The following PARD3 variants were observed in gnomAD, a reference collection of about 807,000 sequenced individuals.
PARD3 encodes the protein par-3 family cell polarity regulator.
A neutral mutation model predicts 155.4 loss-of-function variants in PARD3; 75 were observed. That is an observed-to-expected ratio of 0.48 (90% CI 0.40 to 0.58). PARD3 has a LOEUF of 0.58. PARD3 is among the 20% of genes least tolerant of loss of function. The pLI is 0.00. For missense variants in PARD3, 1,642 were observed against 1,721.7 expected (o/e 0.95, Z 0.82); for synonymous variants, 576 against 610.5 (o/e 0.94, Z 0.83).
intron 20 of PARD3, among the ~76,000 whole-genome samples, chr10:34,289,496 T>C (rs1368361524): frequency 2.8e-5 from 3 of 107,684 alleles, no homozygotes; most frequent in African/African-American, 1.5e-4. Context: ...GGCCAGATCT[T>C]AATAATAATA....
chr10:34,316,803 T>C (rs1259790468), intron 20 of PARD3, among the ~76,000 whole-genome samples: 3 of 152,228 alleles, frequency 2.0e-5, no homozygotes, highest in Non-Finnish European at 2.9e-5. Flanking sequence ...ATGAAATCCA[T>C]AACAAAGTAA....
At chr10:34,569,121 C>CT (rs1228281822) in intron 2 of PARD3, among the ~76,000 whole-genome samples, 4 of 152,274 alleles carry the variant, frequency 2.6e-5, no homozygotes, top group African/African-American at 9.6e-5. Flanking sequence ...CTGTGGCACT[C>CT]TCCTGAGTAA....
intron 14 of PARD3, among the ~76,000 whole-genome samples, chr10:34,348,930 A>G (rs2134377265): frequency 6.6e-6 from 1 of 152,370 alleles, no homozygotes; most frequent in East Asian, 1.9e-4. Flanking sequence ...CTAATAAGTC[A>G]TATTTTACAT....
rs76234119 is a variant in PARD3, at chr10:34,172,481, C to T, written c.3420-40898G>A. Among the ~76,000 whole-genome samples the T allele has an allele frequency of 6.9e-3, 1,051 of 152,130 alleles. 18 individuals are homozygous for T. Among genetic ancestry groups the T allele is most frequent in the East Asian group, 0.047 (244 of 5,170 alleles). ...AAAGGCTTAATGCAAATATCTGAGA[C>T]GAGTGATTTCTTCCATGTAATGTGC... On this transcript the variant is annotated intron_variant, in intron 22 of 24. Transcript: ENST00000374788.
intron 2 of PARD3, among the ~76,000 whole-genome samples, chr10:34,635,469 C>T (rs114242701): frequency 8.3e-4 from 127 of 152,264 alleles, no homozygotes; most frequent in African/African-American, 2.8e-3. Context: ...CACAGGGGTA[C>T]GACAATGACG....
intron 3 of PARD3, among the ~76,000 whole-genome samples, chr10:34,486,409 T>C (rs905374540): frequency 3.3e-5 from 5 of 152,226 alleles, no homozygotes; most frequent in African/African-American, 1.2e-4. Flanking sequence ...GTTTTGGTTT[T>C]GTTTCAGGGC....
At chr10:34,160,731 T>G (rs1010967242) in intron 22 of PARD3, among the ~76,000 whole-genome samples, 2 of 152,196 alleles carry the variant, frequency 1.3e-5, no homozygotes, top group African/African-American at 4.8e-5. Flanking sequence ...ATCCCCAGAC[T>G]TCTTACCAAC....
chr10:34,772,562 C>T (rs369702578), intron 1 of PARD3, among the ~76,000 whole-genome samples: 3 of 151,498 alleles, frequency 2.0e-5, no homozygotes, highest in South Asian at 4.2e-4. Context: ...GAGGCTGAGG[C>T]GGGTGGATTA....
chr10:34,520,548 C>A (rs1253192112), intron 2 of PARD3, among the ~76,000 whole-genome samples: 1 of 152,128 alleles, frequency 6.6e-6, no homozygotes, highest in Non-Finnish European at 1.5e-5. Context: ...CACAGACATT[C>A]CACTAGATTA....
At chr10:34,630,137 C>T (rs1303942347) in intron 2 of PARD3, among the ~76,000 whole-genome samples, 1 of 152,182 alleles carries the variant, frequency 6.6e-6, no homozygotes, top group African/African-American at 2.4e-5. Flanking sequence ...AGCAATGGTA[C>T]TCCTGGAGTT....
At chr10:34,408,349 A>C (rs1480139521) in intron 5 of PARD3, among the ~76,000 whole-genome samples, 1 of 152,160 alleles carries the variant, frequency 6.6e-6, no homozygotes, top group Non-Finnish European at 1.5e-5. Context: ...CACTCAACTA[A>C]ATGTTCTTTT....
chr10:34,603,823 G>A (rs2089995432), intron 2 of PARD3, among the ~76,000 whole-genome samples: 1 of 152,172 alleles, frequency 6.6e-6, no homozygotes, highest in Non-Finnish European at 1.5e-5. Context: ...CAGGCAGTAA[G>A]TTGGTTTAGG....
chr10:34,505,591 G>A (rs1255579951), intron 3 of PARD3, among the ~76,000 whole-genome samples: 2 of 150,172 alleles, frequency 1.3e-5, no homozygotes, highest in African/African-American at 5.1e-5. Context: ...ACACCCTACA[G>A]GCAGCCCTGT....
At chr10:34,626,331 T>A (rs188919958) in intron 2 of PARD3, among the ~76,000 whole-genome samples, 6 of 152,328 alleles carry the variant, frequency 3.9e-5, no homozygotes, top group African/African-American at 1.4e-4. Flanking sequence ...TGTCCCTGTG[T>A]GTGTACACTT....
chr10:34,494,580 C>G (rs2080145273), intron 3 of PARD3, among the ~76,000 whole-genome samples: 1 of 152,104 alleles, frequency 6.6e-6, no homozygotes, highest in Non-Finnish European at 1.5e-5. Flanking sequence ...TCCAAACTTT[C>G]TTGATAACAT....
intron 1 of PARD3, among the ~76,000 whole-genome samples, chr10:34,716,043 A>G (rs370671116): frequency 1.3e-5 from 2 of 152,232 alleles, no homozygotes; most frequent in Non-Finnish European, 2.9e-5. Flanking sequence ...ACATCCATTT[A>G]AAATAGGAGA....
chr10:34,366,336 C>G (rs1368802021), intron 12 of PARD3, among the ~76,000 whole-genome samples: 1 of 152,132 alleles, frequency 6.6e-6, no homozygotes, highest in African/African-American at 2.4e-5. Flanking sequence ...ACCTTCTGAG[C>G]ACATGAGGTA....
rs375492626 is a variant in PARD3 at position 34,596,216 on chromosome 10, C to T, written c.223-79057G>A. ...GAGCACTCAAGTTTGTAAGCAATAT[C>T]CATCAAATCCAAATTTTTACTTTTT... is the stretch of plus-strand genomic sequence containing the variant. On this transcript the variant is annotated intron_variant, in intron 2 of 24. Coordinates refer to ENST00000374788, the MANE Select transcript of PARD3 (RefSeq NM_001184785.2). Among the ~76,000 whole-genome samples the T allele has an allele frequency of 4.7e-5, 7 of 149,926 alleles. No individual in the cohort carries two copies. The South Asian group carries it at 8.6e-4, about 18-fold the overall frequency.
intron 3 of PARD3, among the ~76,000 whole-genome samples, chr10:34,491,758 A>T (rs2079924398): frequency 6.6e-6 from 1 of 152,238 alleles, no homozygotes; most frequent in Non-Finnish European, 1.5e-5. Flanking sequence ...AATATTGATA[A>T]AATGTTTCTG....
Sources: gnomAD v4.1 joint callset for allele counts (sites outside exome capture counted in the v4.1 genomes callset) on GRCh38, gnomAD v4.1.1 for gene constraint, MANE v1.5 for transcripts, NCBI Gene and HGNC (gene_info 2026-07-23, HGNC 2026-07-21) for gene names.